The following CLASP1 variants were observed in gnomAD, a reference collection of about 807,000 sequenced individuals.
CLASP1 encodes cytoplasmic linker associated protein 1.
In CLASP1, 38 loss-of-function variants were observed where a neutral mutation model predicts 192.3. The ratio of observed to expected loss-of-function variants is 0.20; its 90% CI spans 0.15 to 0.26. The LOEUF (loss-of-function observed/expected upper bound fraction) is 0.26. Among genes scored for constraint, CLASP1 ranks in the 10% least tolerant of loss-of-function variants. The pLI is 1.00. For synonymous variants in CLASP1, 691 were observed against 712.8 expected, an observed-to-expected ratio of 0.97 and a Z score of 0.49; for missense variants, 1,433 against 1,932.5, an observed-to-expected ratio of 0.74 and a Z score of 4.85.
At chr2:121,402,536 C>A (rs568777091) in intron 26 of CLASP1, 50 of 509,222 alleles carry the variant, frequency 9.8e-5, no homozygotes, top group South Asian at 6.0e-4. Context: ...CTGTGGGATT[C>A]CTGGCTTCAC....
chr2:121,541,222 C>T (rs987674492), intron 2 of CLASP1, among the ~76,000 whole-genome samples: 2 of 152,082 alleles, frequency 1.3e-5, no homozygotes, highest in African/African-American at 4.8e-5. Context: ...AAAAAACATC[C>T]ATAAGGGACA....
Position 121,638,328 on chromosome 2 carries a change from T to C in CLASP1, c.-286+11044A>G, listed in dbSNP as rs537328576. ...AAAAAAAAACACAGAAAATGACATG[T>C]GTTGGTGAGAATGTGGAGAAACTGG... On this transcript the variant is annotated intron_variant, in intron 1 of 39. Transcript: ENST00000263710. 5.3e-5 allele frequency among the ~76,000 whole-genome samples: 8 copies of C among 152,184 alleles called. No individual in the cohort carries two copies. In the South Asian group the frequency reaches 1.7e-3, roughly 32 times the overall value.
rs1239230423 is a variant in CLASP1 at position 121,404,624 on chromosome 2, G to A, written c.2670-190C>T. Among the ~76,000 whole-genome samples, 8 of 152,034 alleles carry A rather than the reference G, an allele frequency of 5.3e-5. No homozygotes were observed. In the East Asian group the frequency reaches 1.5e-3, roughly 29 times the overall value. ...TGGGAGGTGCACACTACCACACCTG[G>A]GTAATTTTTTTGATCAGTCAACTAC... On this transcript the variant is annotated intron_variant, in intron 25 of 39. Coordinates refer to ENST00000263710, the Ensembl canonical transcript of CLASP1.
At chr2:121,477,110 G>T (rs1159262403) in intron 8 of CLASP1, among the ~76,000 whole-genome samples, 2 of 152,160 alleles carry the variant, frequency 1.3e-5, no homozygotes, top group Non-Finnish European at 2.9e-5. Flanking sequence ...GCTGGCTGCA[G>T]ATCTGTTTGG....
chr2:121,422,218 A>T (rs1330365729), intron 22 of CLASP1, among the ~76,000 whole-genome samples: 1 of 152,246 alleles, frequency 6.6e-6, no homozygotes, highest in Non-Finnish European at 1.5e-5. Flanking sequence ...AAAGCAGAAT[A>T]TAAGAGAATT....
intron 1 of CLASP1, among the ~76,000 whole-genome samples, chr2:121,634,336 C>A (rs146592023): frequency 6.6e-6 from 1 of 152,122 alleles, no homozygotes; most frequent in Non-Finnish European, 1.5e-5. Flanking sequence ...CTAGGATATA[C>A]CCTAGAATAA....
At chr2:121,546,256 G>T (rs115360490) in intron 2 of CLASP1, among the ~76,000 whole-genome samples, 1 of 151,586 alleles carries the variant, frequency 6.6e-6, no homozygotes, top group East Asian at 1.9e-4. Flanking sequence ...AAACACACAC[G>T]TACCCTATGA....
At chr2:121,497,509 T>C (rs979938566) in intron 8 of CLASP1, among the ~76,000 whole-genome samples, 1 of 152,122 alleles carries the variant, frequency 6.6e-6, no homozygotes, top group Non-Finnish European at 1.5e-5. Context: ...GACAAACATT[T>C]ATGAAAAAAA....
intron 9 of CLASP1, among the ~76,000 whole-genome samples, chr2:121,468,605 C>T (rs1211135485): frequency 1.3e-5 from 2 of 152,010 alleles, no homozygotes; most frequent in African/African-American, 4.8e-5. Context: ...GGAATGCTAG[C>T]GATATTTGCA....
intron 28 of CLASP1, among the ~76,000 whole-genome samples, chr2:121,399,268 G>A (rs1432708128): frequency 6.6e-6 from 1 of 152,162 alleles, no homozygotes; most frequent in Admixed American, 6.5e-5. Flanking sequence ...AGGTACCAGT[G>A]TTATCCTACA....
At chr2:121,450,127 C>T (rs1386521424) in intron 16 of CLASP1, among the ~76,000 whole-genome samples, 3 of 151,994 alleles carry the variant, frequency 2.0e-5, no homozygotes, top group African/African-American at 7.3e-5. Flanking sequence ...GTCAGGAGAT[C>T]GAGACTATCC....
intron 5 of CLASP1, among the ~76,000 whole-genome samples, chr2:121,526,612 T>C (rs2094581028): frequency 6.6e-6 from 1 of 152,202 alleles, no homozygotes; most frequent in Admixed American, 6.5e-5. Context: ...TTAATGGCAC[T>C]GAAAAGGCTA....
At chr2:121,568,217 TTCAG>T (rs2059677359) in intron 2 of CLASP1, among the ~76,000 whole-genome samples, 1 of 151,866 alleles carries the variant, frequency 6.6e-6, no homozygotes, top group South Asian at 2.1e-4. Context: ...CCAGAATTGG[TTCAG>T]TATGATTCAG....
At chr2:121,472,666 T>C (rs1371816469) in intron 8 of CLASP1, among the ~76,000 whole-genome samples, 1 of 152,198 alleles carries the variant, frequency 6.6e-6, no homozygotes, top group African/African-American at 2.4e-5. Context: ...GCTACAGGAA[T>C]GTGCTAAGTT....
At chr2:121,492,685 A>C (rs1202385527) in intron 8 of CLASP1, among the ~76,000 whole-genome samples, 1 of 152,104 alleles carries the variant, frequency 6.6e-6, no homozygotes, top group South Asian at 2.1e-4. Flanking sequence ...AAAAAAAAAA[A>C]AAAACAAGCA....
chr2:121,368,529 G>GT (rs2067907133), intron 34 of CLASP1, among the ~76,000 whole-genome samples: 1 of 152,036 alleles, frequency 6.6e-6, no homozygotes. Context: ...CCTTGACATG[G>GT]TATCGACAAG....
intron 35 of CLASP1, among the ~76,000 whole-genome samples, chr2:121,365,510 C>T (rs1056966337): frequency 8.5e-5 from 13 of 152,248 alleles, no homozygotes; most frequent in Admixed American, 3.3e-4. Context: ...GGTGCGAGAC[C>T]AGCTGTCCAG....
chr2:121,377,713 T>G (rs543955260), intron 33 of CLASP1, 64 bp from the exon 35 acceptor site: 1 of 1,103,272 alleles, frequency 9.1e-7, no homozygotes, highest in Non-Finnish European at 1.3e-6. Flanking sequence ...GATATGGGCA[T>G]AAGTTACTTC....
intron 36 of CLASP1, among the ~76,000 whole-genome samples, chr2:121,363,895 C>T (rs1037771481): frequency 6.6e-6 from 1 of 152,066 alleles, no homozygotes; most frequent in African/African-American, 2.4e-5. Context: ...TAAAAGAGAA[C>T]GTAGTTTACA....
Sources: gnomAD v4.1 joint callset for allele counts (sites outside exome capture counted in the v4.1 genomes callset) on GRCh38, gnomAD v4.1.1 for gene constraint, MANE v1.5 for transcripts, NCBI Gene and HGNC (gene_info 2026-07-23, HGNC 2026-07-21) for gene names.